NSUN4: variants seen among roughly 807,000 people sequenced by gnomAD.
NSUN4 encodes the protein NOP2/Sun RNA methyltransferase 4.
Under a neutral mutation model 43.8 loss-of-function variants are expected in NSUN4, and 31 were observed. The observed-to-expected ratio is 0.71, with a 90% CI of 0.53 to 0.96. The LOEUF is 0.96. Among genes scored for constraint, NSUN4 ranks in the 40% least tolerant of loss-of-function variants. The pLI is 0.00. For synonymous variants in NSUN4, 167 were observed against 184.1 expected (o/e 0.91, Z 0.75); for missense variants, 439 against 475.6 (o/e 0.92, Z 0.72).
At chr1:46,368,963 A>G (rs1210794041), downstream of NSUN4, among the ~76,000 whole-genome samples, 3 of 152,140 alleles carry the variant, frequency 2.0e-5, no homozygotes, top group African/African-American at 7.2e-5. Context: ...CTGGTTGTTG[A>G]TGCTGTTTTA....
chr1:46,360,247 AAAATATAT>A (rs1479130558), intron 4 of NSUN4, among the ~76,000 whole-genome samples: 1 of 23,244 alleles, frequency 4.3e-5, no homozygotes, highest in East Asian at 2.3e-3. Context: ...AAAAAAAAAA[AAAATATAT>A]ATATATATAT....
chr1:46,378,905 G>T, the NSUN4 span, among the ~76,000 whole-genome samples: 2 of 152,200 alleles, frequency 1.3e-5, no homozygotes, highest in African/African-American at 2.4e-5. Context: ...TATGGCAGTG[G>T]CAGGGTTCCA....
At position 46,347,075 on chromosome 1, in the gene NSUN4, C is replaced by T. The variant is rs147331351; in HGVS notation, c.592C>T (p.Arg198Cys). The T allele has an allele frequency of 5.1e-4, 818 of 1,613,182 alleles. 2 individuals carry two copies. Among genetic ancestry groups the T allele is most frequent in the Admixed American group, 1.0e-3 (61 of 59,924 alleles). Residue 198 changes from arginine to cysteine, a missense_variant and splice_region_variant, in exon 3 of 6, where the codon CGC becomes TGC. By Grantham distance (180) the Arg-to-Cys change is radical (BLOSUM62 -3). Coordinates refer to ENST00000474844, the MANE Select transcript of NSUN4 (RefSeq NM_199044.4). ...AGCGTTGCTTCAGACTGGCTGTTGC[C>T]GTAAGTCAGGGTGCTGGTGTGTTGG... ...TLALLQTGCC[R>C]NLAANDLSPS...
At chr1:46,342,948 C>T in intron 1 of NSUN4, 1 of 399,596 alleles carries the variant, frequency 2.5e-6, no homozygotes, top group Non-Finnish European at 4.4e-6. Context: ...AAATTCCAGC[C>T]CCAAAGAACT....
chr1:46,348,008 G>A (rs1272523956), intron 3 of NSUN4, among the ~76,000 whole-genome samples: 2 of 151,800 alleles, frequency 1.3e-5, no homozygotes, highest in Non-Finnish European at 2.9e-5. Flanking sequence ...CTCCCTACTA[G>A]CTAGGACTAC....
chr1:46,369,402 G>A (rs551855865), downstream of NSUN4, among the ~76,000 whole-genome samples: 1 of 152,254 alleles, frequency 6.6e-6, no homozygotes, highest in African/African-American at 2.4e-5. Context: ...GTGGTGAACA[G>A]AGCAGAAAAA....
intron 1 of NSUN4, chr1:46,341,703 C>T (rs1569729773): frequency 8.1e-7 from 1 of 1,230,792 alleles, no homozygotes; most frequent in African/African-American, 1.6e-5. Flanking sequence ...CTCTTCCCCA[C>T]TCCTGGAAAG....
downstream of NSUN4, among the ~76,000 whole-genome samples, chr1:46,369,749 G>A (rs140427094): frequency 2.0e-5 from 3 of 152,230 alleles, no homozygotes; most frequent in East Asian, 5.8e-4. Context: ...GAAAGGAATG[G>A]TTGTGAAACA....
the NSUN4 span, among the ~76,000 whole-genome samples, chr1:46,378,727 G>T: frequency 6.6e-6 from 1 of 152,204 alleles, no homozygotes; most frequent in Non-Finnish European, 1.5e-5. Context: ...GGGTGGTTCC[G>T]CTGACCTTAG....
At chr1:46,374,807 G>A in the NSUN4 span, among the ~76,000 whole-genome samples, 4 of 151,502 alleles carry the variant, frequency 2.6e-5, no homozygotes, top group Non-Finnish European at 5.9e-5. Context: ...ATGAGTATAT[G>A]AGTATAAGCT....
intron 4 of NSUN4, among the ~76,000 whole-genome samples, chr1:46,357,190 T>A (rs74851797): frequency 1.3e-5 from 2 of 152,204 alleles, no homozygotes; most frequent in Admixed American, 1.3e-4. Context: ...CATATTTTTT[T>A]ATTTTTGAGA....
At chr1:46,341,021 A>C (rs1557735052) in intron 1 of NSUN4, 102 bp downstream of exon 1, 1 of 1,208,990 alleles carries the variant, frequency 8.3e-7, no homozygotes, top group Non-Finnish European at 1.1e-6. Flanking sequence ...TTTCCCAAGC[A>C]CTCCACGGAA....
At chr1:46,371,457 C>T in the NSUN4 span, among the ~76,000 whole-genome samples, 490 of 152,252 alleles carry the variant, frequency 3.2e-3, no homozygotes, top group African/African-American at 0.011. Flanking sequence ...AGGTGCCTGC[C>T]TCCACGCCTG....
Position 46,361,625 on chromosome 1 carries a change from C to T in NSUN4, c.934C>T (p.Leu312Phe), listed in dbSNP as rs1663880124. Residue 312 changes from leucine (L) to phenylalanine (F), a missense_variant, in exon 6 of 6, where the codon CTC (leucine) becomes TTC (phenylalanine). Leu to Phe is a conservative substitution (Grantham distance 22). Coordinates refer to ENST00000474844, the MANE Select transcript of NSUN4 (RefSeq NM_199044.4). ...CCATGTTGTCTATTCTACCTGCTCA[C>T]TCTCACACTTACAGAACGAGTATGT... ...GGHVVYSTCS[L>F]SHLQNEYVVQ... 1 of 1,614,210 alleles carries T rather than the reference C, an allele frequency of 6.2e-7. No homozygotes were observed. Among genetic ancestry groups the T allele is most frequent in the Admixed American group, 1.7e-5 (1 of 60,022 alleles).
At chr1:46,378,318 C>T in the NSUN4 span, among the ~76,000 whole-genome samples, 1 of 151,982 alleles carries the variant, frequency 6.6e-6, no homozygotes, top group Non-Finnish European at 1.5e-5. Flanking sequence ...CTGCCTCAGC[C>T]TCCTGAGTAG....
chr1:46,371,829 G>A, the NSUN4 span, among the ~76,000 whole-genome samples: 11 of 152,054 alleles, frequency 7.2e-5, no homozygotes, highest in African/African-American at 2.7e-4. Flanking sequence ...GGAGGTGGGC[G>A]GGGGGTGCCA....
At chr1:46,348,975 C>T (rs77657604) in intron 3 of NSUN4, among the ~76,000 whole-genome samples, 1 of 151,478 alleles carries the variant, frequency 6.6e-6, no homozygotes, top group East Asian at 1.9e-4. Context: ...CCACCACACC[C>T]GGATAATTTT....
At chr1:46,342,640 A>C in intron 1 of NSUN4, 1 of 398,560 alleles carries the variant, frequency 2.5e-6, no homozygotes, top group East Asian at 3.6e-5. Flanking sequence ...CATGGTCCTC[A>C]TTCTGTCCTT....
At chr1:46,360,282 A>ATT (rs1287632656) in intron 4 of NSUN4, among the ~76,000 whole-genome samples, 10 of 128,734 alleles carry the variant, frequency 7.8e-5, no homozygotes, top group African/African-American at 3.0e-4. Context: ...ATATATGTAA[A>ATT]TTAGTCTGGA....
Sources: allele counts gnomAD v4.1 joint callset (sites outside exome capture counted in the v4.1 genomes callset), GRCh38; gene constraint gnomAD v4.1.1; transcripts MANE v1.5; gene names NCBI Gene and HGNC (gene_info 2026-07-23, HGNC 2026-07-21).